SPATA7: variants seen among roughly 807,000 people sequenced by gnomAD.
The protein encoded by SPATA7 is spermatogenesis-associated protein 7.
A neutral mutation model predicts 51.8 loss-of-function variants in SPATA7; 43 were observed. The ratio of observed to expected loss-of-function variants is 0.83; its 90% CI spans 0.65 to 1.07. The LOEUF is 1.07. SPATA7 is among the 50% of genes least tolerant of loss of function. The probability of loss-of-function intolerance (pLI) is 0.00; values close to 1 mark genes in which losing one functional copy is unlikely to be tolerated. For synonymous variants in SPATA7, 230 were observed against 252.8 expected (o/e 0.91, Z 0.86); for missense variants, 683 against 701.3 (o/e 0.97, Z 0.30).
At chr14:88,453,539 T>TG (rs1491543657) in intron 3 of SPATA7, among the ~76,000 whole-genome samples, 27 of 152,174 alleles carry the variant, frequency 1.8e-4, no homozygotes, top group African/African-American at 6.5e-4. Context: ...TCCCAGACCT[T>TG]GTGTGTTTTT....
At chr14:88,405,964 C>T (rs1456089686) in intron 4 of SPATA7, among the ~76,000 whole-genome samples, 3 of 152,120 alleles carry the variant, frequency 2.0e-5, no homozygotes, top group Non-Finnish European at 4.4e-5. Flanking sequence ...AGGAATTTTT[C>T]CTTTTTGCTA....
rs116159224 is a variant in SPATA7 at position 88,393,735 on chromosome 14, T to C, written c.190+247T>C. The C allele has an allele frequency of 1.3e-3, 403 of 305,068 alleles. 3 individuals carry two copies. The highest frequency in any genetic ancestry group is 7.7e-3 in the African/African-American group (351 of 45,810). The allele number at this position is 305,068 out of a possible 1,614,324, so 18.9% of individuals were successfully genotyped here. On this transcript the variant is annotated intron_variant, in intron 3 of 11. Coordinates refer to ENST00000393545, the MANE Select transcript of SPATA7 (RefSeq NM_018418.5). ...TTTTTTATCTCTATTGCTAATAATATTTTGTTAGATATTGCTTTTAATATG... is the reference window on the plus strand; with the variant it reads ...TTTTTTATCTCTATTGCTAATAATACTTTGTTAGATATTGCTTTTAATATG...
chr14:88,448,053 TCTC>T (rs2077226375), intron 3 of SPATA7, among the ~76,000 whole-genome samples: 1 of 152,056 alleles, frequency 6.6e-6, no homozygotes, highest in Non-Finnish European at 1.5e-5. Context: ...TTGGGGAAGT[TCTC>T]CTGGATAATA....
chr14:88,434,865 A>T (rs887581869), intron 10 of SPATA7, among the ~76,000 whole-genome samples: 3 of 152,008 alleles, frequency 2.0e-5, no homozygotes, highest in Admixed American at 1.3e-4. Context: ...CTTGGGTTTT[A>T]ATAAAAAATT....
chr14:88,428,910 A>C (rs182971525), intron 7 of SPATA7: 14 of 198,824 alleles, frequency 7.0e-5, no homozygotes, highest in Admixed American at 4.9e-4. Context: ...AGTCTATAAA[A>C]GTAAGCTGCC....
At chr14:88,444,398 G>T (rs1358293524) in intron 3 of SPATA7, among the ~76,000 whole-genome samples, 1 of 151,834 alleles carries the variant, frequency 6.6e-6, no homozygotes, top group Non-Finnish European at 1.5e-5. Flanking sequence ...TTTGTCAGAT[G>T]AGTAGGTTGT....
chr14:88,390,336 T>A (rs1032965465), intron 1 of SPATA7, among the ~76,000 whole-genome samples: 1 of 151,898 alleles, frequency 6.6e-6, no homozygotes, highest in Non-Finnish European at 1.5e-5. Flanking sequence ...GGTACTCAAA[T>A]GATGTCACCA....
chr14:88,468,484 C>T (rs2077401295), intron 4 of SPATA7, among the ~76,000 whole-genome samples: 1 of 152,084 alleles, frequency 6.6e-6, no homozygotes, highest in Non-Finnish European at 1.5e-5. Flanking sequence ...TTCAACATTC[C>T]CCAGGTGTAG....
At chr14:88,438,506 AT>A (rs1448745541), downstream of SPATA7, 3 of 1,113,614 alleles carry the variant, frequency 2.7e-6, no homozygotes, top group East Asian at 5.1e-5. Context: ...AGATTTCTCT[AT>A]TGGTTTTCTG....
intron 9 of SPATA7, among the ~76,000 whole-genome samples, chr14:88,431,742 C>T (rs951558581): frequency 2.0e-5 from 3 of 152,088 alleles, no homozygotes; most frequent in Non-Finnish European, 2.9e-5. Flanking sequence ...CTTATTTCAC[C>T]AGCATCCATC....
chr14:88,421,125 A>C (rs1203423359), intron 5 of SPATA7, among the ~76,000 whole-genome samples: 1 of 152,064 alleles, frequency 6.6e-6, no homozygotes, highest in Non-Finnish European at 1.5e-5. Context: ...AAAAAAAAAT[A>C]ATTAATTAAT....
rs564642409 is a variant in SPATA7 at position 88,404,822 on chromosome 14, T to C, written c.238+8619T>C. Among the ~76,000 whole-genome samples, 3 of 152,364 alleles carry C rather than the reference T, an allele frequency of 2.0e-5. No homozygotes were observed. The South Asian group carries it at 6.2e-4, about 32-fold the overall frequency. ...TAGTTTGCTAGAGTTTATTCATTGA[T>C]TTATTCAGCATATATTTATTGGGCC... On this transcript the variant is annotated intron_variant, in intron 4 of 11. Transcript: ENST00000393545.
chr14:88,438,216 A>G lies in SPATA7; in HGVS notation c.1594A>G (p.Thr532Ala), dbSNP rs1171111523. 10 of 1,614,020 alleles carry G rather than the reference A, an allele frequency of 6.2e-6. No individual in the cohort carries two copies. The highest frequency in any genetic ancestry group is 1.3e-5 in the African/African-American group (1 of 75,052). ...ENHPSISDSLTDRETSVNVIE... is the reference protein window; with the variant it reads ...ENHPSISDSLADRETSVNVIE... ...TCATCCAAGTATTTCAGACAGTTTA[A>G]CAGATCGGGAAACTTCTGTGAATGT... The change falls in exon 12 of 12, where the codon ACA becomes GCA. Residue 532 changes from threonine (T) to alanine (A), a missense_variant. Coordinates refer to ENST00000393545, the MANE Select transcript of SPATA7 (RefSeq NM_018418.5).
At chr14:88,409,948 T>C (rs1324464433) in intron 4 of SPATA7, among the ~76,000 whole-genome samples, 1 of 152,236 alleles carries the variant, frequency 6.6e-6, no homozygotes, top group East Asian at 1.9e-4. Context: ...CACTGTGGTC[T>C]GAGAGACTGT....
downstream of SPATA7, among the ~76,000 whole-genome samples, chr14:88,457,261 G>A (rs2140056642): frequency 6.6e-6 from 1 of 152,298 alleles, no homozygotes; most frequent in Non-Finnish European, 1.5e-5. Flanking sequence ...GTTCTGTGAA[G>A]AAAGTCATTG....
intron 5 of SPATA7, 24 bp downstream of exon 5, chr14:88,416,868 A>C (rs749310044): frequency 2.6e-6 from 4 of 1,564,792 alleles, no homozygotes; most frequent in Non-Finnish European, 3.5e-6. Flanking sequence ...TTTATTTTTT[A>C]AAAGCAAATG....
intron 4 of SPATA7, chr14:88,467,734 T>A (rs1429046226): frequency 5.6e-6 from 1 of 177,142 alleles, no homozygotes; most frequent in African/African-American, 2.4e-5. Flanking sequence ...CCCTAAATAT[T>A]TGTCATAAAA....
At chr14:88,419,531 CTT>C (rs561604199) in intron 5 of SPATA7, among the ~76,000 whole-genome samples, 6 of 130,970 alleles carry the variant, frequency 4.6e-5, no homozygotes, top group African/African-American at 2.8e-5. Flanking sequence ...TAATCATTGT[CTT>C]TTTTTTTTTT....
At chr14:88,466,909 C>T (rs936770900) in intron 4 of SPATA7, 3 of 152,156 alleles carry the variant, frequency 2.0e-5, no homozygotes, top group African/African-American at 7.2e-5. Flanking sequence ...AAATACGCCT[C>T]TTTAAGGCTT....
Sources: allele counts gnomAD v4.1 joint callset (sites outside exome capture counted in the v4.1 genomes callset), GRCh38; gene constraint gnomAD v4.1.1; transcripts MANE v1.5; gene names NCBI Gene and HGNC (gene_info 2026-07-23, HGNC 2026-07-21).